The following AKNAD1 variants were observed in gnomAD, a reference collection of about 807,000 sequenced individuals.
The protein encoded by AKNAD1 is AKNA domain containing 1.
A neutral mutation model predicts 90.8 loss-of-function variants in AKNAD1; 67 were observed. The observed-to-expected ratio is 0.74, with a 90% CI of 0.61 to 0.90. The LOEUF (loss-of-function observed/expected upper bound fraction) is 0.90. AKNAD1 is among the 40% of genes least tolerant of loss of function. AKNAD1 has a pLI of 0.00. For synonymous variants in AKNAD1, 327 were observed against 341.4 expected (o/e 0.96, Z 0.46); for missense variants, 957 against 975.4 (o/e 0.98, Z 0.25).
upstream of AKNAD1, chr1:108,857,596 G>A (rs1448339713): frequency 6.6e-6 from 1 of 152,574 alleles, no homozygotes; most frequent in African/African-American, 2.4e-5. Context: ...GAAAACCGTG[G>A]GTCCATGTTC....
intron 13 of AKNAD1, chr1:108,823,135 A>T: frequency 1.4e-6 from 1 of 711,086 alleles, no homozygotes; most frequent in Non-Finnish European, 2.6e-6. Flanking sequence ...AGCCCTTAAT[A>T]ACTTTCAAAG....
rs1472184085 is a variant in AKNAD1, at chr1:108,849,711, G to A, written c.994-135C>T. The A allele has an allele frequency of 2.5e-5, 16 of 641,438 alleles. No homozygotes were observed. The Admixed American group carries it at 3.4e-4, about 14-fold the overall frequency. 39.7% of individuals were successfully genotyped at this position (641,438 alleles called of 1,614,324 possible). ...TCAAGAGCCGGAGCCATGATGCCAA[G>A]GTTGAATTCCACTCTGACACTTACT... On this transcript the variant is annotated intron_variant, in intron 2 of 15. Coordinates refer to ENST00000370001, the MANE Select transcript of AKNAD1 (RefSeq NM_152763.5).
chr1:108,840,750 A>G (rs1415623008), intron 6 of AKNAD1, among the ~76,000 whole-genome samples: 2 of 152,234 alleles, frequency 1.3e-5, no homozygotes, highest in African/African-American at 4.8e-5. Flanking sequence ...GCCCTATTCA[A>G]TAAGTGGTGG....
At chr1:108,846,345 C>A (rs1204684136) in intron 5 of AKNAD1, among the ~76,000 whole-genome samples, 3 of 152,208 alleles carry the variant, frequency 2.0e-5, no homozygotes, top group South Asian at 4.1e-4. Context: ...ATCCAGGCTT[C>A]CGAAGGCTCC....
chr1:108,834,396 A>AC, intron 9 of AKNAD1, 51 bp downstream of exon 9: 1 of 1,469,610 alleles, frequency 6.8e-7, no homozygotes, highest in Non-Finnish European at 9.3e-7. Context: ...GTTTTAGTTA[A>AC]AGAGCCAACA....
chr1:108,835,125 C>CAGCA, intron 7 of AKNAD1, 69 bp from the exon 8 acceptor site: 1 of 1,530,538 alleles, frequency 6.5e-7, no homozygotes, highest in Non-Finnish European at 8.7e-7. Context: ...AAAATCAGTT[C>CAGCA]AGCATCCCTA....
intron 14 of AKNAD1, among the ~76,000 whole-genome samples, chr1:108,818,089 G>T (rs1253803496): frequency 1.3e-5 from 2 of 152,134 alleles, no homozygotes. Context: ...GCTCTAGGGG[G>T]TTATTTGCAT....
chr1:108,824,682 A>T (rs1050818169), intron 11 of AKNAD1, among the ~76,000 whole-genome samples: 2 of 151,512 alleles, frequency 1.3e-5, no homozygotes, highest in Non-Finnish European at 2.9e-5. Flanking sequence ...TGGCTCAATC[A>T]TAAGCCTCAA....
At chr1:108,852,945 T>C (rs1664914850) in intron 1 of AKNAD1, among the ~76,000 whole-genome samples, 178 bp from the exon 2 acceptor site, 1 of 150,786 alleles carries the variant, frequency 6.6e-6, no homozygotes, top group African/African-American at 2.4e-5. Flanking sequence ...ATCAGTAGAA[T>C]AACAGCAAGG....
At chr1:108,856,576 A>G (rs768042352) in intron 1 of AKNAD1, among the ~76,000 whole-genome samples, 1 of 152,044 alleles carries the variant, frequency 6.6e-6, no homozygotes, top group Non-Finnish European at 1.5e-5. Flanking sequence ...CAGTGGTGGT[A>G]TATGCCTGTA....
intron 5 of AKNAD1, among the ~76,000 whole-genome samples, chr1:108,846,782 TCTAA>T (rs1405042778): frequency 1.3e-5 from 2 of 152,100 alleles, no homozygotes; most frequent in Admixed American, 6.5e-5. Flanking sequence ...GATCCACTGG[TCTAA>T]CTGCCTACTG....
rs543531122 is a variant in AKNAD1 at position 108,856,243 on chromosome 1, C to T, written c.-104+686G>A. Reference sequence around the variant, plus strand: ...GACTTTTAATGACCCAAGTATCAGTCCCAAAGTTATCCTCATGCTTTCTTT... The same window carrying T: ...GACTTTTAATGACCCAAGTATCAGTTCCAAAGTTATCCTCATGCTTTCTTT... On this transcript the variant is annotated intron_variant, in intron 1 of 15. Coordinates refer to ENST00000370001, the MANE Select transcript of AKNAD1 (RefSeq NM_152763.5). 3.9e-5 allele frequency among the ~76,000 whole-genome samples: 6 copies of T among 152,188 alleles called. No homozygotes were observed. In the South Asian group the frequency reaches 1.2e-3, roughly 32 times the overall value.
intron 6 of AKNAD1, among the ~76,000 whole-genome samples, chr1:108,840,717 T>G (rs1167956363): frequency 6.6e-6 from 1 of 152,150 alleles, no homozygotes; most frequent in East Asian, 1.9e-4. Flanking sequence ...ATAAGGGGCT[T>G]TTTCAACCAG....
intron 5 of AKNAD1, 106 bp from the exon 6 acceptor site, chr1:108,843,373 C>A: frequency 7.3e-7 from 1 of 1,361,480 alleles, no homozygotes; most frequent in Non-Finnish European, 1.0e-6. Context: ...CAAAACAAAG[C>A]TGCCATCCTT....
intron 6 of AKNAD1, among the ~76,000 whole-genome samples, chr1:108,840,190 A>G (rs1664507890): frequency 6.6e-6 from 1 of 152,236 alleles, no homozygotes; most frequent in Non-Finnish European, 1.5e-5. Context: ...TTCAGATGCT[A>G]TGGATTGTCA....
At chr1:108,855,131 C>T (rs559849897) in intron 1 of AKNAD1, among the ~76,000 whole-genome samples, 17 of 152,094 alleles carry the variant, frequency 1.1e-4, no homozygotes, top group South Asian at 2.1e-4. Context: ...AACATAATCT[C>T]GTCCAAGCAA....
chr1:108,820,992 CAGG>C (rs1291672246), intron 13 of AKNAD1, among the ~76,000 whole-genome samples: 4 of 152,136 alleles, frequency 2.6e-5, no homozygotes, highest in African/African-American at 7.2e-5. Context: ...GAGGCTGAGG[CAGG>C]AGGTTCACTA....
intron 6 of AKNAD1, among the ~76,000 whole-genome samples, chr1:108,838,324 C>T (rs957144413): frequency 4.0e-5 from 6 of 148,692 alleles, no homozygotes; most frequent in Non-Finnish European, 8.9e-5. Context: ...AGATAGCCCC[C>T]CCCCCAAAAA....
At chr1:108,818,995 A>G (rs1004364493) in intron 14 of AKNAD1, among the ~76,000 whole-genome samples, 24 of 149,860 alleles carry the variant, frequency 1.6e-4, no homozygotes, top group African/African-American at 5.9e-4. Context: ...AGAAGTCTCC[A>G]AAGGTCACGT....
Sources: gnomAD v4.1 joint callset for allele counts (sites outside exome capture counted in the v4.1 genomes callset) on GRCh38, gnomAD v4.1.1 for gene constraint, MANE v1.5 for transcripts, NCBI Gene and HGNC (gene_info 2026-07-23, HGNC 2026-07-21) for gene names.